Variants in LOC400499 observed in about 807,000 individuals in gnomAD.
At chr16:11,457,223 C>A in the LOC400499 span, 3 of 588,454 alleles carry the variant, frequency 5.1e-6, no homozygotes, top group Non-Finnish European at 5.9e-6. Flanking sequence ...GTGGAGAAAT[C>A]TGAATTCTCA....
chr16:11,441,676 C>T, the LOC400499 span, among the ~76,000 whole-genome samples: 41 of 152,210 alleles, frequency 2.7e-4, no homozygotes, highest in African/African-American at 9.6e-4. Flanking sequence ...TCCTATGAGA[C>T]GGAGGCAGGA....
chr16:11,441,541 A>G, the LOC400499 span, among the ~76,000 whole-genome samples: 1 of 152,244 alleles, frequency 6.6e-6, no homozygotes, highest in African/African-American at 2.4e-5. Context: ...GATGACATCC[A>G]TGTCCTCATC....
the LOC400499 span, among the ~76,000 whole-genome samples, chr16:11,500,430 G>A: frequency 6.6e-6 from 1 of 152,076 alleles, no homozygotes; most frequent in African/African-American, 2.4e-5. Context: ...AGAATTGCTT[G>A]AACCCAGGAG....
chr16:11,495,862 G>C, the LOC400499 span, among the ~76,000 whole-genome samples: 1 of 152,174 alleles, frequency 6.6e-6, no homozygotes, highest in Non-Finnish European at 1.5e-5. Flanking sequence ...AGATAGAACT[G>C]AGACTTAACC....
the LOC400499 span, among the ~76,000 whole-genome samples, chr16:11,511,217 A>T: frequency 6.6e-6 from 1 of 152,064 alleles, no homozygotes; most frequent in African/African-American, 2.4e-5. Flanking sequence ...GACTGGTGTC[A>T]AACTCCTGGG....
the LOC400499 span, among the ~76,000 whole-genome samples, chr16:11,421,909 T>TA: frequency 6.6e-6 from 1 of 152,222 alleles, no homozygotes; most frequent in Non-Finnish European, 1.5e-5. Context: ...TTGTATACTT[T>TA]AAAACGGTTT....
the LOC400499 span, among the ~76,000 whole-genome samples, chr16:11,479,369 T>C: frequency 6.6e-6 from 1 of 151,710 alleles, no homozygotes; most frequent in South Asian, 2.1e-4. Context: ...GTCCCAGCAC[T>C]AGGGAGGCCG....
At chr16:11,439,567 C>G in the LOC400499 span, 3 of 399,100 alleles carry the variant, frequency 7.5e-6, no homozygotes, top group African/African-American at 6.2e-5. Flanking sequence ...CAGATCCGTT[C>G]AGCTGGACCG....
the LOC400499 span, chr16:11,440,735 CGTT>C: frequency 6.0e-5 from 24 of 398,926 alleles, 1 homozygote; most frequent in East Asian, 8.2e-4. Context: ...TGGGATGTGA[CGTT>C]GTGATTGACG....
the LOC400499 span, chr16:11,460,518 G>T: frequency 6.5e-7 from 1 of 1,534,306 alleles, no homozygotes; most frequent in South Asian, 1.2e-5. Context: ...TGGAGCTCGT[G>T]GCGCAGCTCC....
the LOC400499 span, among the ~76,000 whole-genome samples, chr16:11,492,609 C>G: frequency 6.6e-6 from 1 of 151,810 alleles, no homozygotes; most frequent in Non-Finnish European, 1.5e-5. Context: ...ACGGTGAAAC[C>G]CCATCTCTAC....
At chr16:11,451,228 G>A in the LOC400499 span, among the ~76,000 whole-genome samples, 1 of 152,166 alleles carries the variant, frequency 6.6e-6, no homozygotes, top group Non-Finnish European at 1.5e-5. Flanking sequence ...AGTATGAGAG[G>A]ATGCTGGTAA....
At chr16:11,391,580 A>G in the LOC400499 span, 1 of 1,121,006 alleles carries the variant, frequency 8.9e-7, no homozygotes, top group South Asian at 4.5e-5. Context: ...ACAGTGCCAC[A>G]GGCCAATGTG....
the LOC400499 span, chr16:11,475,758 T>C: frequency 2.5e-6 from 1 of 398,404 alleles, no homozygotes. Flanking sequence ...TCATTTTCAT[T>C]CATTCATTAG....
At chr16:11,421,148 G>C in the LOC400499 span, among the ~76,000 whole-genome samples, 1 of 152,184 alleles carries the variant, frequency 6.6e-6, no homozygotes, top group Non-Finnish European at 1.5e-5. Flanking sequence ...GGCAGATCCA[G>C]AGACTCAGTG....
the LOC400499 span, among the ~76,000 whole-genome samples, chr16:11,419,655 T>A: frequency 6.6e-6 from 1 of 151,820 alleles, no homozygotes; most frequent in Admixed American, 6.6e-5. Flanking sequence ...ACCATCAGAG[T>A]GAACAGGCAA....
the LOC400499 span, chr16:11,424,251 A>G: frequency 2.5e-6 from 1 of 399,208 alleles, no homozygotes; most frequent in Non-Finnish European, 4.4e-6. Context: ...GGCACCGTCT[A>G]GCTGAGCCCC....
the LOC400499 span, among the ~76,000 whole-genome samples, chr16:11,455,050 C>G: frequency 6.6e-6 from 1 of 152,096 alleles, no homozygotes; most frequent in African/African-American, 2.4e-5. Flanking sequence ...TTTTGCAATG[C>G]TGCTGAAAAT....
At chr16:11,518,750 G>A in the LOC400499 span, 4 of 395,600 alleles carry the variant, frequency 1.0e-5, no homozygotes, top group Non-Finnish European at 1.8e-5. Flanking sequence ...GTCCAAGATG[G>A]CATCTCTTTG....
Sources: allele counts gnomAD v4.1 joint callset (sites outside exome capture counted in the v4.1 genomes callset), GRCh38; gene constraint gnomAD v4.1.1; transcripts MANE v1.5.